DCP1B: variants seen among roughly 807,000 people sequenced by gnomAD.
DCP1B encodes the protein decapping mRNA 1B.
A neutral mutation model predicts 60.5 loss-of-function variants in DCP1B; 47 were observed. The ratio of observed to expected loss-of-function variants is 0.78; its 90% confidence interval spans 0.61 to 0.99. The LOEUF (loss-of-function observed/expected upper bound fraction) is 0.99. DCP1B is among the 50% of genes least tolerant of loss of function. The pLI, the probability that DCP1B is intolerant of heterozygous loss-of-function variation, is 0.00. For missense variants in DCP1B, 725 were observed against 756.8 expected, an observed-to-expected ratio of 0.96 and a Z score of 0.49; for synonymous variants, 267 against 280.3, an observed-to-expected ratio of 0.95 and a Z score of 0.47.
chr12:2,000,690 G>A (rs1442270558), intron 1 of DCP1B, among the ~76,000 whole-genome samples: 1 of 152,182 alleles, frequency 6.6e-6, no homozygotes, highest in Non-Finnish European at 1.5e-5. Context: ...GTTCTTGCCA[G>A]ATCATGCTGG....
chr12:1,950,204 A>G, intron 7 of DCP1B: 1 of 615,452 alleles, frequency 1.6e-6, no homozygotes, highest in Non-Finnish European at 2.9e-6. Flanking sequence ...CGTCTCTTTG[A>G]GCAAAAGTTG....
intron 1 of DCP1B, among the ~76,000 whole-genome samples, chr12:2,003,094 A>G (rs1369760738): frequency 6.6e-6 from 1 of 152,216 alleles, no homozygotes; most frequent in Admixed American, 6.5e-5. Flanking sequence ...CCATTCCGGC[A>G]AATTTCCTCC....
At chr12:1,963,786 T>G (rs983525060) in intron 5 of DCP1B, among the ~76,000 whole-genome samples, 4 of 152,242 alleles carry the variant, frequency 2.6e-5, no homozygotes, top group Non-Finnish European at 5.9e-5. Context: ...CTGGGTGATA[T>G]AGATGCTTAC....
chr12:1,968,073 T>C (rs553751671), intron 3 of DCP1B, among the ~76,000 whole-genome samples, 163 bp from the exon 4 acceptor site: 2 of 152,220 alleles, frequency 1.3e-5, no homozygotes, highest in Admixed American at 6.5e-5. Context: ...AGCTTAAAAA[T>C]ACAGCATCAA....
At chr12:1,957,422 A>G (rs1047025432) in intron 5 of DCP1B, among the ~76,000 whole-genome samples, 4 of 152,226 alleles carry the variant, frequency 2.6e-5, no homozygotes, top group Non-Finnish European at 5.9e-5. Flanking sequence ...AAAAGTTTCT[A>G]TCTTCAGTTT....
At chr12:1,995,572 T>C (rs2040599102) in intron 2 of DCP1B, among the ~76,000 whole-genome samples, 1 of 152,218 alleles carries the variant, frequency 6.6e-6, no homozygotes, top group Non-Finnish European at 1.5e-5. Context: ...TTGCCTCCCA[T>C]TCCTTCCTTC....
chr12:1,963,390 A>C (rs1198268832), intron 5 of DCP1B, among the ~76,000 whole-genome samples: 1 of 152,164 alleles, frequency 6.6e-6, no homozygotes, highest in Non-Finnish European at 1.5e-5. Flanking sequence ...CTGTTTGATT[A>C]CTCTGAGATA....
intron 3 of DCP1B, among the ~76,000 whole-genome samples, chr12:1,986,040 C>A (rs1221308114): frequency 2.0e-5 from 3 of 152,190 alleles, no homozygotes; most frequent in African/African-American, 7.2e-5. Context: ...GTCTCGATCT[C>A]CTGACCTCGT....
At chr12:2,002,214 C>G (rs923123309) in intron 1 of DCP1B, among the ~76,000 whole-genome samples, 10 of 152,208 alleles carry the variant, frequency 6.6e-5, no homozygotes, top group Non-Finnish European at 1.0e-4. Context: ...ATCCCCCCTG[C>G]CTTCTTGTAA....
At chr12:1,961,604 G>T (rs1555193413) in intron 5 of DCP1B, among the ~76,000 whole-genome samples, 1 of 152,234 alleles carries the variant, frequency 6.6e-6, no homozygotes, top group Non-Finnish European at 1.5e-5. Context: ...CCAGTTTACA[G>T]TGTACTGGGA....
chr12:2,001,772 C>T (rs2042240480), intron 1 of DCP1B, among the ~76,000 whole-genome samples: 1 of 152,208 alleles, frequency 6.6e-6, no homozygotes, highest in African/African-American at 2.4e-5. Context: ...TAGCTAGGAA[C>T]ACAACGTTAG....
chr12:1,965,298 A>G (rs2031255280), intron 5 of DCP1B, among the ~76,000 whole-genome samples: 1 of 152,176 alleles, frequency 6.6e-6, no homozygotes, highest in Non-Finnish European at 1.5e-5. Flanking sequence ...CCAGTTGTGT[A>G]TATGAAGGTT....
Position 1,949,108 on chromosome 12 carries a change from T to C in DCP1B, c.1751A>G (p.Glu584Gly). Residue 584 changes from glutamate (E) to glycine (G), a missense_variant, in exon 8 of 9, where the codon GAG (glutamate) becomes GGG (glycine). Coordinates refer to ENST00000280665, the MANE Select transcript of DCP1B (RefSeq NM_152640.5). Reference sequence around the variant, plus strand: ...TACCTGAATGAGGTACAGCAGTGCCTCCTGGAGCTGGAGCTTGGTGAGTGG... The same window carrying C: ...TACCTGAATGAGGTACAGCAGTGCCCCCTGGAGCTGGAGCTTGGTGAGTGG... ...SSPLTKLQLQ[E>G]ALLYLIQNDD... 2 of 1,614,026 alleles carry C rather than the reference T, an allele frequency of 1.2e-6. No individual in the cohort carries two copies. The highest frequency in any genetic ancestry group is 8.5e-7 in the Non-Finnish European group (1 of 1,179,946).
At chr12:1,988,694 T>A (rs1194521343) in intron 3 of DCP1B, among the ~76,000 whole-genome samples, 1 of 152,192 alleles carries the variant, frequency 6.6e-6, no homozygotes. Flanking sequence ...TCTGCCATCG[T>A]TTACCCAAAA....
intron 3 of DCP1B, among the ~76,000 whole-genome samples, chr12:1,977,434 C>T (rs1440376328): frequency 6.6e-6 from 1 of 152,202 alleles, no homozygotes; most frequent in Non-Finnish European, 1.5e-5. Context: ...ATCTTCAAAG[C>T]TTTGTCTTAT....
At chr12:1,963,239 C>T (rs2031184962) in intron 5 of DCP1B, among the ~76,000 whole-genome samples, 1 of 152,170 alleles carries the variant, frequency 6.6e-6, no homozygotes, top group South Asian at 2.1e-4. Context: ...TTCTATCAAC[C>T]TTTCCCATAA....
rs2030745597 is a variant in DCP1B at position 1,953,085 on chromosome 12, G to C, written c.855C>G (p.Pro285=). 2.5e-6 allele frequency: 4 copies of C among 1,614,040 alleles called. No individual in the cohort carries two copies. Among genetic ancestry groups the C allele is most frequent in the Non-Finnish European group, 3.4e-6 (4 of 1,179,980 alleles). The change falls in exon 7 of 9, where the codon CCC becomes CCG. Residue 285 remains proline (P), a synonymous_variant. Coordinates refer to ENST00000280665, the MANE Select transcript of DCP1B (RefSeq NM_152640.5). ...TGGCTGGACAGAGCTGCTTCTCAAT[G>C]GGGGGTGAGTGTCTTCTGGGTTCCT... ...SYEEPRRHSP[P]IEKQLCPAIQ...
At chr12:1,965,413 AT>A in intron 5 of DCP1B, 144 bp downstream of exon 5, 1 of 1,062,332 alleles carries the variant, frequency 9.4e-7, no homozygotes, top group Admixed American at 3.8e-5. Flanking sequence ...TAAAAAATCT[AT>A]ATTACAAATA....
chr12:1,992,126 T>C lies in DCP1B; in HGVS notation c.319+1138A>G, dbSNP rs531780373. On this transcript the variant is annotated intron_variant, in intron 3 of 8. Transcript: ENST00000280665. ...TAAACTACAATTGATAAAGTGTACC[T>C]TTCGGCAAAGAAACATGAGGAGAAA... The C allele has an allele frequency of 7.0e-5, 19 of 273,290 alleles. No homozygotes were observed. The Admixed American group carries it at 7.7e-4, about 11-fold the overall frequency. 16.9% of individuals were successfully genotyped at this position (273,290 alleles called of 1,614,324 possible). A position where few individuals can be genotyped will look rare whatever the true frequency, so the allele number is the denominator to read the frequency against.
Sources: allele counts gnomAD v4.1 joint callset (sites outside exome capture counted in the v4.1 genomes callset), GRCh38; gene constraint gnomAD v4.1.1; transcripts MANE v1.5; gene names NCBI Gene and HGNC (gene_info 2026-07-23, HGNC 2026-07-21).